Variants in CACNA2D3 observed in about 807,000 individuals in gnomAD.
CACNA2D3 encodes voltage-dependent calcium channel subunit alpha-2/delta-3.
A neutral mutation model predicts 160.6 loss-of-function variants in CACNA2D3; 60 were observed. The ratio of observed to expected loss-of-function variants is 0.37; its 90% CI spans 0.30 to 0.46. CACNA2D3 has a LOEUF of 0.46. Among genes scored for constraint, CACNA2D3 ranks in the 20% least tolerant of loss-of-function variants. The probability of loss-of-function intolerance (pLI) is 1.00; values close to 1 mark genes in which losing one functional copy is unlikely to be tolerated. For missense variants in CACNA2D3, 1,205 were observed against 1,365.0 expected (o/e 0.88, Z 1.85); for synonymous variants, 558 against 492.9 (o/e 1.13, Z -1.75).
intron 2 of CACNA2D3, among the ~76,000 whole-genome samples, chr3:54,242,959 A>G (rs760622382): frequency 2.6e-5 from 4 of 152,222 alleles, no homozygotes; most frequent in African/African-American, 4.8e-5. Context: ...ACCTTTAACT[A>G]TTTGTGAAAA....
Position 54,691,704 on chromosome 3 carries a change from G to C in CACNA2D3, c.1167+49463G>C, listed in dbSNP as rs538864145. Among the ~76,000 whole-genome samples, 29 of 152,318 alleles carry C rather than the reference G, an allele frequency of 1.9e-4. No individual in the cohort carries two copies. In the South Asian group the frequency reaches 5.6e-3, roughly 29 times the overall value. On this transcript the variant is annotated intron_variant, in intron 11 of 37. Transcript: ENST00000474759. ...ACCCCAGTGGCTTGGAGAGGAGCCA[G>C]CTCTGGGGCCTATGTGAGTGAGGAT... is the stretch of plus-strand genomic sequence containing the variant.
intron 2 of CACNA2D3, among the ~76,000 whole-genome samples, chr3:54,125,249 A>ACG (rs1204122409): frequency 9.0e-6 from 1 of 111,724 alleles, no homozygotes; most frequent in Non-Finnish European, 2.0e-5. Flanking sequence ...AGTTACACAC[A>ACG]CACACACACA....
chr3:54,483,331 A>T (rs937935539), intron 4 of CACNA2D3, among the ~76,000 whole-genome samples: 1 of 152,180 alleles, frequency 6.6e-6, no homozygotes, highest in African/African-American at 2.4e-5. Flanking sequence ...AGCAAACAGC[A>T]TCTTGCAGTT....
intron 2 of CACNA2D3, among the ~76,000 whole-genome samples, chr3:54,193,490 G>C (rs529023725): frequency 1.3e-5 from 2 of 152,266 alleles, no homozygotes; most frequent in African/African-American, 4.8e-5. Flanking sequence ...TAATTACCAG[G>C]TGCTTGCTAA....
At chr3:54,690,815 A>G (rs1363575040) in intron 11 of CACNA2D3, among the ~76,000 whole-genome samples, 1 of 152,144 alleles carries the variant, frequency 6.6e-6, no homozygotes, top group Non-Finnish European at 1.5e-5. Context: ...TCCTGTGTCT[A>G]GAATAAGAAG....
intron 2 of CACNA2D3, among the ~76,000 whole-genome samples, chr3:54,291,069 A>G (rs1184753061): frequency 1.3e-5 from 2 of 152,204 alleles, no homozygotes; most frequent in Admixed American, 6.5e-5. Context: ...AAATAAAATA[A>G]AAATATGTAC....
At chr3:55,038,914 A>G (rs972205705) in intron 35 of CACNA2D3, among the ~76,000 whole-genome samples, 3 of 133,356 alleles carry the variant, frequency 2.2e-5, no homozygotes, top group Non-Finnish European at 3.2e-5. Flanking sequence ...ATATACACAC[A>G]CTGAATATAT....
intron 27 of CACNA2D3, among the ~76,000 whole-genome samples, chr3:54,945,179 C>G (rs1474980594): frequency 2.0e-5 from 3 of 152,184 alleles, no homozygotes; most frequent in African/African-American, 7.2e-5. Context: ...AGCCCCTCCT[C>G]CCTCCCTCAT....
rs148734243 is a variant in CACNA2D3 at position 54,143,841 on chromosome 3, T to A, written c.204+20247T>A. 1.4e-4 allele frequency among the ~76,000 whole-genome samples: 22 copies of A among 152,354 alleles called. No individual in the cohort carries two copies. The East Asian group carries it at 4.2e-3, about 29-fold the overall frequency. On this transcript the variant is annotated intron_variant, in intron 2 of 37. Transcript: ENST00000474759. ...TGTATTTCTTTGAGTCTTTTTTCTT[T>A]TGCTTACATGTATGTATATTTGTGT...
chr3:54,677,375 A>G (rs2106908038), intron 11 of CACNA2D3, among the ~76,000 whole-genome samples: 1 of 152,304 alleles, frequency 6.6e-6, no homozygotes, highest in African/African-American at 2.4e-5. Flanking sequence ...GGCAAGATTG[A>G]GTTGATATTT....
chr3:54,167,870 G>A (rs991906562), intron 2 of CACNA2D3, among the ~76,000 whole-genome samples: 1 of 152,204 alleles, frequency 6.6e-6, no homozygotes, highest in Non-Finnish European at 1.5e-5. Flanking sequence ...GCTCCCTGTA[G>A]ATTCTTATCT....
intron 20 of CACNA2D3, among the ~76,000 whole-genome samples, 181 bp from the exon 21 acceptor site, chr3:54,880,615 T>A (rs959614023): frequency 6.6e-6 from 1 of 152,206 alleles, no homozygotes; most frequent in African/African-American, 2.4e-5. Context: ...AGCAGCTGAT[T>A]GAACCTAAGA....
chr3:54,292,673 T>A (rs979499662), intron 2 of CACNA2D3, among the ~76,000 whole-genome samples: 1 of 152,302 alleles, frequency 6.6e-6, no homozygotes, highest in South Asian at 2.1e-4. Flanking sequence ...AAAAGTCAGA[T>A]ACTAAGTGTT....
chr3:54,478,505 G>A (rs565037021), intron 4 of CACNA2D3, among the ~76,000 whole-genome samples: 18 of 151,340 alleles, frequency 1.2e-4, no homozygotes, highest in Admixed American at 4.0e-4. Flanking sequence ...GGTGGCAGGC[G>A]CCTGTAGTCC....
At chr3:54,878,368 A>G (rs933087472) in intron 18 of CACNA2D3, among the ~76,000 whole-genome samples, 1 of 151,874 alleles carries the variant, frequency 6.6e-6, no homozygotes, top group South Asian at 2.1e-4. Context: ...GAAGGGCCAC[A>G]TGTAATTAGA....
chr3:54,464,240 G>T (rs1700567947), intron 4 of CACNA2D3, among the ~76,000 whole-genome samples: 1 of 152,198 alleles, frequency 6.6e-6, no homozygotes, highest in South Asian at 2.1e-4. Flanking sequence ...CCCACTTGAG[G>T]AGGCAGTCTG....
chr3:54,846,398 G>T lies in CACNA2D3; in HGVS notation c.1557G>T (p.Gly519=), dbSNP rs531747910. Residue 519 remains glycine, a synonymous_variant, in exon 17 of 38, where the codon GGG becomes GGT. Transcript: ENST00000474759. ...TTTCTTGCTTCCTCTTACAGTTAGG[G>T]ATTCACGGTTATGCCTTTGCAATCA... ...LLKTIPKYKL[G]IHGYAFAITN... 9.4e-6 allele frequency: 15 copies of T among 1,602,786 alleles called. No homozygotes were observed. The Admixed American group carries it at 2.4e-4, about 25-fold the overall frequency.
At chr3:54,371,439 TTCA>T (rs1327057909) in intron 3 of CACNA2D3, among the ~76,000 whole-genome samples, 1 of 152,362 alleles carries the variant, frequency 6.6e-6, no homozygotes. Context: ...TTCTAACAAC[TTCA>T]TCGAGATATA....
At chr3:54,195,811 G>A (rs1246814057) in intron 2 of CACNA2D3, among the ~76,000 whole-genome samples, 2 of 152,188 alleles carry the variant, frequency 1.3e-5, no homozygotes, top group Non-Finnish European at 2.9e-5. Context: ...CAGCAGCCCT[G>A]CTTGTGGGGA....
Sources: allele counts gnomAD v4.1 joint callset (sites outside exome capture counted in the v4.1 genomes callset), GRCh38; gene constraint gnomAD v4.1.1; transcripts MANE v1.5; gene names NCBI Gene and HGNC (gene_info 2026-07-23, HGNC 2026-07-21).